The following DNMT3L variants were observed in gnomAD, a reference collection of about 807,000 sequenced individuals.
DNMT3L encodes the protein DNA (cytosine-5)-methyltransferase 3-like.
A neutral mutation model predicts 36.2 loss-of-function variants in DNMT3L; 33 were observed. The observed-to-expected ratio is 0.91, with a 90% CI of 0.69 to 1.22. DNMT3L has a LOEUF of 1.22. Among genes scored for constraint, DNMT3L ranks in the 50% most tolerant of loss-of-function variants. The pLI, the probability that DNMT3L is intolerant of heterozygous loss-of-function variation, is 0.00. For synonymous variants in DNMT3L, 117 were observed against 121.7 expected, an observed-to-expected ratio of 0.96 and a Z score of 0.26; for missense variants, 310 against 303.1, an observed-to-expected ratio of 1.02 and a Z score of -0.17.
At position 44,261,712 on chromosome 21, in the gene DNMT3L, A is replaced by G. The variant is rs534132799; in HGVS notation, c.-8+28T>C. ...GGCCAGCCGCACCCTTGAAGGCAGCATGGTCAGGGAGTAGGAAAGAGACTC... is the reference window on the plus strand; with the variant it reads ...GGCCAGCCGCACCCTTGAAGGCAGCGTGGTCAGGGAGTAGGAAAGAGACTC... On this transcript the variant is annotated intron_variant, in intron 1 of 11. Transcript: ENST00000628202. 3 of 161,234 alleles carry G rather than the reference A, an allele frequency of 1.9e-5. No homozygotes were observed. In the South Asian group the frequency reaches 5.4e-4, roughly 29 times the overall value. 10.0% of individuals were successfully genotyped at this position (161,234 alleles called of 1,614,324 possible).
At chr21:44,255,605 T>C (rs547299714) in intron 7 of DNMT3L, among the ~76,000 whole-genome samples, 4 of 152,042 alleles carry the variant, frequency 2.6e-5, no homozygotes, top group Admixed American at 2.0e-4. Flanking sequence ...TGGAGTCCAC[T>C]CCACTCTGCA....
chr21:44,260,533 G>A (rs369846467), intron 3 of DNMT3L, among the ~76,000 whole-genome samples: 1 of 152,196 alleles, frequency 6.6e-6, no homozygotes, highest in Admixed American at 6.5e-5. Flanking sequence ...GCTCACTGCA[G>A]CCTCGACCTC....
chr21:44,260,320 G>C (rs150296591), intron 3 of DNMT3L, among the ~76,000 whole-genome samples: 280 of 152,310 alleles, frequency 1.8e-3, no homozygotes, highest in African/African-American at 6.4e-3. Context: ...TTTCTTTTCA[G>C]GGTGATGAAA....
chr21:44,256,326 C>G (rs904407214), intron 6 of DNMT3L, among the ~76,000 whole-genome samples, 172 bp from the exon 7 acceptor site: 14 of 151,986 alleles, frequency 9.2e-5, no homozygotes, highest in Admixed American at 4.6e-4. Flanking sequence ...CACTGCCCCC[C>G]CAGGAAGGCC....
At chr21:44,259,848 A>T (rs540658716) in intron 3 of DNMT3L, 137 bp from the exon 4 acceptor site, 1 of 907,454 alleles carries the variant, frequency 1.1e-6, no homozygotes, top group East Asian at 2.7e-5. Context: ...ATGTTAAGGA[A>T]GATGGAACAA....
chr21:44,260,850 A>T lies in DNMT3L; in HGVS notation c.107-11T>A, dbSNP rs1328744242. On this transcript the variant is annotated splice_polypyrimidine_tract_variant and intron_variant, in intron 2 of 11. Transcript: ENST00000628202. ...CATATGCAATAAGATCTGGAAAGGAAGATAAGAAGTAGCCCCTTTCTTCTT... is the reference window on the plus strand; with the variant it reads ...CATATGCAATAAGATCTGGAAAGGATGATAAGAAGTAGCCCCTTTCTTCTT... 6.2e-7 allele frequency: 1 copy of T among 1,613,106 alleles called. No individual in the cohort carries two copies. Among genetic ancestry groups the T allele is most frequent in the African/African-American group, 1.3e-5 (1 of 75,028 alleles).
In DNMT3L at chr21:44,259,540, G is replaced by T. The variant is rs1232457899; in HGVS notation, c.241C>A (p.Leu81Met). Reference sequence around the variant, plus strand: ...TCGTCGTACAGGAAGAGGGCATCCAGGAACTTGTCCTTGGAAGGAGCAAAG... The same window carrying T: ...TCGTCGTACAGGAAGAGGGCATCCATGAACTTGTCCTTGGAAGGAGCAAAG... ...GICAPCKDKF[L>M]DALFLYDDDG... Residue 81 changes from leucine (L) to methionine (M), a missense_variant, in exon 5 of 12, where the codon CTG (leucine) becomes ATG (methionine). Physicochemically the swap from Leu to Met is conservative, Grantham distance 15. Transcript: ENST00000628202. 6.2e-7 allele frequency: 1 copy of T among 1,613,714 alleles called. No individual in the cohort carries two copies. Among genetic ancestry groups the T allele is most frequent in the East Asian group, 2.2e-5 (1 of 44,884 alleles).
At chr21:44,257,111 G>T (rs2040265662) in intron 6 of DNMT3L, among the ~76,000 whole-genome samples, 1 of 152,234 alleles carries the variant, frequency 6.6e-6, no homozygotes, top group African/African-American at 2.4e-5. Context: ...TGGGCCCGGT[G>T]GCTCATGCCT....
chr21:44,259,240 C>A (rs572252849), intron 5 of DNMT3L, among the ~76,000 whole-genome samples, 197 bp downstream of exon 5: 1 of 152,300 alleles, frequency 6.6e-6, no homozygotes, highest in East Asian at 1.9e-4. Flanking sequence ...AAAGAAAAAT[C>A]ACAATCGCCA....
At position 44,254,231 on chromosome 21, in the gene DNMT3L, G is replaced by A. The variant is rs143524542; in HGVS notation, c.693+386C>T. Among the ~76,000 whole-genome samples, 30 of 152,334 alleles carry A rather than the reference G, an allele frequency of 2.0e-4. 1 individual carries two copies. In the South Asian group the frequency reaches 5.6e-3, roughly 28 times the overall value. ...GCCTCCTCATTTTAGAGGGTGGAGT[G>A]GGGGTTCAGCCCCTCCTTGCCGGAC... On this transcript the variant is annotated intron_variant, in intron 8 of 11. Coordinates refer to ENST00000628202, the MANE Select transcript of DNMT3L (RefSeq NM_175867.3).
intron 8 of DNMT3L, 133 bp downstream of exon 8, chr21:44,254,484 G>C: frequency 2.1e-6 from 2 of 955,690 alleles, no homozygotes; most frequent in South Asian, 3.5e-5. Flanking sequence ...GCTGCCGAGA[G>C]GCCCCCGTGT....
In DNMT3L at chr21:44,255,703, C is replaced by A. The variant is rs569374831; in HGVS notation, c.604+364G>T. 9.2e-5 allele frequency among the ~76,000 whole-genome samples: 14 copies of A among 152,318 alleles called. No homozygotes were observed. The South Asian group carries it at 1.7e-3, about 18-fold the overall frequency. On this transcript the variant is annotated intron_variant, in intron 7 of 11. Transcript: ENST00000628202. The stretch of plus-strand genomic sequence containing the variant: ...CCTGGGCAGCAAGACCTTGGACAGG[C>A]TGTGCAGGCGCTGCGGGATCAGGCT...
Position 44,261,175 on chromosome 21 carries a change from C to G in DNMT3L, c.85G>C (p.Val29Leu). 6.2e-7 allele frequency: 1 copy of G among 1,612,674 alleles called. No homozygotes were observed. Among genetic ancestry groups the G allele is most frequent in the Non-Finnish European group, 8.5e-7 (1 of 1,179,890 alleles). Residue 29 changes from valine to leucine, a missense_variant, in exon 2 of 12, where the codon GTT (valine) becomes CTT (leucine). By Grantham distance (32) the Val-to-Leu change is conservative. Transcript: ENST00000628202. ...LVGSSELSSSVSPGTGRDLIA... is the reference protein window; with the variant it reads ...LVGSSELSSSLSPGTGRDLIA... ...TCACCTCTGCCTGTCCCGGGTGAAA[C>G]GGAGCTTGAGAGCTCACTGGATCCC...
At chr21:44,255,688 A>G (rs2040251797) in intron 7 of DNMT3L, among the ~76,000 whole-genome samples, 2 of 152,156 alleles carry the variant, frequency 1.3e-5, no homozygotes, top group Admixed American at 1.3e-4. Flanking sequence ...CCTGGGCAGC[A>G]AGACCTTGGA....
In DNMT3L at chr21:44,259,435, AC is replaced by A. The variant is rs771239875; in HGVS notation, c.344+1del. The A allele has an allele frequency of 5.0e-6, 8 of 1,613,534 alleles. No individual in the cohort carries two copies. The South Asian group carries it at 8.8e-5, about 18-fold the overall frequency. On this transcript the variant is annotated splice_donor_variant, in intron 5 of 11. Transcript: ENST00000628202. LOFTEE classifies it high-confidence loss of function. ...CCCCCCTGGGCAGGCCCCTCGCCTC[AC>A]CGGGTGCAATCAGGGTTTCCGCAGA...
Position 44,258,414 on chromosome 21 carries a change from T to C in DNMT3L, c.516+109A>G. On this transcript the variant is annotated intron_variant, in intron 6 of 11. Coordinates refer to ENST00000628202, the MANE Select transcript of DNMT3L (RefSeq NM_175867.3). The surrounding 1 kb of genome is among the most constrained non-coding windows in gnomAD (Gnocchi z 6.2). ...AGGAAAGAGTGTTTGCTCCCGAGGC[T>C]GCAGCCGTGGTGCCCGTCGGCGCGC... The C allele has an allele frequency of 7.1e-7, 1 of 1,406,122 alleles. No homozygotes were observed. The highest frequency in any genetic ancestry group is 9.4e-7 in the Non-Finnish European group (1 of 1,062,232). The allele number at this position is 1,406,122 out of a possible 1,614,324, so 87.1% of individuals were successfully genotyped here. A position where few individuals can be genotyped will look rare whatever the true frequency, so the allele number is the denominator to read the frequency against.
intron 7 of DNMT3L, among the ~76,000 whole-genome samples, chr21:44,255,727 C>T (rs1360144807): frequency 6.6e-6 from 1 of 152,222 alleles, no homozygotes; most frequent in Non-Finnish European, 1.5e-5. Context: ...CGGGATCAGG[C>T]TCCTGATCGG....
chr21:44,259,081 C>T (rs964545651), intron 5 of DNMT3L, among the ~76,000 whole-genome samples: 2 of 151,942 alleles, frequency 1.3e-5, no homozygotes, highest in Admixed American at 6.6e-5. Flanking sequence ...CCAGAAGGAC[C>T]GAGGAGAGGA....
chr21:44,259,396 C>A (rs1037859307), intron 5 of DNMT3L, 41 bp downstream of exon 5: 3 of 1,595,566 alleles, frequency 1.9e-6, no homozygotes, highest in Admixed American at 3.3e-5. Flanking sequence ...ATGGGTGTGT[C>A]CTCAGCCCCT....
Sources: allele counts gnomAD v4.1 joint callset (sites outside exome capture counted in the v4.1 genomes callset), GRCh38; gene constraint gnomAD v4.1.1; non-coding constraint Gnocchi (gnomAD v3.1); transcripts MANE v1.5; gene names NCBI Gene and HGNC (gene_info 2026-07-23, HGNC 2026-07-21).